The following LRP4 variants were observed in gnomAD, a reference collection of about 807,000 sequenced individuals.
LRP4 encodes the protein low-density lipoprotein receptor-related protein 4.
Under a neutral mutation model 220.3 loss-of-function variants are expected in LRP4, and 95 were observed. That is an observed-to-expected ratio of 0.43 (90% CI 0.37 to 0.51). LRP4 has a LOEUF of 0.51. Among genes scored for constraint, LRP4 ranks in the 20% least tolerant of loss-of-function variants. LRP4 has a pLI of 0.00. For missense variants in LRP4, 1,925 were observed against 2,567.0 expected, an observed-to-expected ratio of 0.75 and a Z score of 5.40; for synonymous variants, 903 against 954.6, an observed-to-expected ratio of 0.95 and a Z score of 1.00.
In LRP4 at chr11:46,890,460, G is replaced by T. The variant is rs1249967861; in HGVS notation, c.1732C>A (p.Arg578Ser). 3 of 1,613,488 alleles carry T rather than the reference G, an allele frequency of 1.9e-6. No individual in the cohort carries two copies. The highest frequency in any genetic ancestry group is 2.5e-6 in the Non-Finnish European group (3 of 1,179,564). ...CCATCCATGCTGGAGGCCTCAATACGGGGGGTGTTGCCCCAGTCTGTCCAG... is the reference window on the plus strand; with the variant it reads ...CCATCCATGCTGGAGGCCTCAATACTGGGGGTGTTGCCCCAGTCTGTCCAG... ...IYWTDWGNTP[R>S]IEASSMDGSG... The change falls in exon 14 of 38, where the codon CGT (arginine) becomes AGT (serine). Residue 578 changes from arginine (R) to serine (S), a missense_variant. Physicochemically the swap from Arg to Ser is moderately radical, Grantham distance 110. Transcript: ENST00000378623. This position sits in a 1 kb window ranked among gnomAD's most constrained non-coding sequence, Gnocchi z 5.3.
At chr11:46,880,811 C>G (rs1403913715) in intron 20 of LRP4, among the ~76,000 whole-genome samples, 3 of 151,470 alleles carry the variant, frequency 2.0e-5, no homozygotes, top group Non-Finnish European at 4.4e-5. Context: ...CATGGTGGCT[C>G]GTGCCTATAA....
In LRP4 at chr11:46,859,249, C is replaced by T. The variant is rs773670430; in HGVS notation, c.5452G>A (p.Gly1818Arg). ...KIVEGICLLS[G>R]DDAEWDDLKQ... ...AGGTCATCCCACTCAGCATCATCCC[C>T]AGACAGGAGGCAGATTCCCTCTACG... is the stretch of plus-strand genomic sequence containing the variant. Residue 1818 changes from glycine to arginine, a missense_variant, in exon 38 of 38, where the codon GGG becomes AGG. Around this residue, in one of 3 missense-constraint regions of LRP4, gnomAD observed 1,244 missense variants for 1,624.9 expected, o/e 0.77. Transcript: ENST00000378623. 6.2e-7 allele frequency: 1 copy of T among 1,614,160 alleles called. No homozygotes were observed. Among genetic ancestry groups the T allele is most frequent in the South Asian group, 1.1e-5 (1 of 91,080 alleles).
At chr11:46,897,334 C>CTTTTTTTTTTTTTTTTTTTTTTT (rs60604776) in intron 7 of LRP4, among the ~76,000 whole-genome samples, 2 of 128,104 alleles carry the variant, frequency 1.6e-5, no homozygotes, top group Non-Finnish European at 1.6e-5. Flanking sequence ...GCCTGTTTGT[C>CTTTTTTTTTTTTTTTTTTTTTTT]TTTTTTTTTT....
At chr11:46,889,350 T>C (rs1371525053) in intron 16 of LRP4, 61 bp downstream of exon 16, 6 of 1,607,008 alleles carry the variant, frequency 3.7e-6, no homozygotes, top group Non-Finnish European at 5.1e-6. Flanking sequence ...TCCTATCCCT[T>C]GTTCCTTCTC....
At chr11:46,898,720 T>C in intron 6 of LRP4, 43 bp from the exon 7 acceptor site, 6 of 1,613,210 alleles carry the variant, frequency 3.7e-6, no homozygotes, top group Non-Finnish European at 5.1e-6. Flanking sequence ...GTCTGTGCAG[T>C]GTCCCATGGC....
At chr11:46,864,350 T>C in intron 36 of LRP4, 98 bp downstream of exon 36, 1 of 961,792 alleles carries the variant, frequency 1.0e-6, no homozygotes, top group East Asian at 2.4e-5. Flanking sequence ...ATAAGGCTGG[T>C]CAGAGCTTGA....
chr11:46,884,018 T>A (rs754027722), intron 18 of LRP4, 42 bp from the exon 19 acceptor site: 5 of 1,502,078 alleles, frequency 3.3e-6, no homozygotes, highest in Admixed American at 1.7e-5. Context: ...GTCTTGTTCA[T>A]TCACCCTCTT....
Position 46,877,346 on chromosome 11 carries a change from G to A in LRP4, c.3137-7C>T, listed in dbSNP as rs1433227497. On this transcript the variant is annotated splice_polypyrimidine_tract_variant and splice_region_variant and intron_variant, in intron 22 of 37. Transcript: ENST00000378623. ...ATGAGGAAACTGTTCATGCCTGCCA[G>A]GTGGAGAGGAGGGAAGAGGATCACT... The A allele has an allele frequency of 2.5e-6, 4 of 1,614,006 alleles. No homozygotes were observed. In the African/African-American group the frequency reaches 4.0e-5, roughly 16 times the overall value.
chr11:46,882,581 G>A (rs1219436503), intron 19 of LRP4, among the ~76,000 whole-genome samples: 1 of 152,128 alleles, frequency 6.6e-6, no homozygotes, highest in East Asian at 1.9e-4. Context: ...GCCAGGTGCA[G>A]TGGCTCACAC....
At position 46,856,737 on chromosome 11, in the gene LRP4, C is replaced by G. The variant is rs1051933905; in HGVS notation, c.*2246G>C. On this transcript the variant is annotated 3_prime_UTR_variant, in exon 38 of 38. Transcript: ENST00000378623. This position sits in a 1 kb window ranked among gnomAD's most constrained non-coding sequence, Gnocchi z 4.1. ...AAAACTCCAGCAGGAACCTCACACTCTTTATTGCTCTTCACTGTGCCCACA... is the reference window on the plus strand; with the variant it reads ...AAAACTCCAGCAGGAACCTCACACTGTTTATTGCTCTTCACTGTGCCCACA... 1 of 152,340 alleles carries G rather than the reference C, an allele frequency of 6.6e-6. No homozygotes were observed. Among genetic ancestry groups the G allele is most frequent in the African/African-American group, 2.4e-5 (1 of 41,466 alleles). The allele number at this position is 152,340 out of a possible 1,614,324, so 9.4% of individuals were successfully genotyped here. A position where few individuals can be genotyped will look rare whatever the true frequency, so the allele number is the denominator to read the frequency against.
Position 46,873,109 on chromosome 11 carries a change from T to A in LRP4, c.4574A>T (p.Asp1525Val). The change falls in exon 30 of 38, where the codon GAT (aspartate) becomes GTT (valine). Residue 1525 changes from aspartate to valine, a missense_variant. Asp to Val is a radical substitution (Grantham distance 152). Transcript: ENST00000378623. This position sits in a 1 kb window ranked among gnomAD's most constrained non-coding sequence, Gnocchi z 4.2. ...GATGCAAGACTCCCACCTGCGGGTA[T>A]CATAGTCCAGGGTAAGGCCATTGGG... Reference protein sequence around the residue: ...GWPNGLTLDYDTRRIYWVDAH... With the variant: ...GWPNGLTLDYVTRRIYWVDAH... The A allele has an allele frequency of 1.9e-6, 3 of 1,614,202 alleles. No individual in the cohort carries two copies. Among genetic ancestry groups the A allele is most frequent in the Non-Finnish European group, 2.5e-6 (3 of 1,180,036 alleles).
In LRP4 at chr11:46,918,436, G is replaced by C; in HGVS notation, c.-57C>G. ...GCCGGCTCCCGCCGGACGGCGCGGC[G>C]GAGAAGCCCGCGGAGGGTCCCCGAG... On this transcript the variant is annotated 5_prime_UTR_variant, in exon 1 of 38. Transcript: ENST00000378623. This position sits in a 1 kb window ranked among gnomAD's most constrained non-coding sequence, Gnocchi z 6.0. The C allele has an allele frequency of 7.9e-7, 1 of 1,273,638 alleles. No homozygotes were observed. Among genetic ancestry groups the C allele is most frequent in the Non-Finnish European group, 9.9e-7 (1 of 1,008,344 alleles). The allele number at this position is 1,273,638 out of a possible 1,614,324, so 78.9% of individuals were successfully genotyped here. A position where few individuals can be genotyped will look rare whatever the true frequency, so the allele number is the denominator to read the frequency against.
intron 11 of LRP4, 141 bp downstream of exon 11, chr11:46,895,024 TG>T (rs1381923176): frequency 8.2e-6 from 11 of 1,338,270 alleles, no homozygotes; most frequent in Admixed American, 1.7e-5. Context: ...GCATTTTTCT[TG>T]GGGCTCAGAA....
Position 46,864,511 on chromosome 11 carries a change from G to C in LRP4, c.5180C>G (p.Ala1727Gly), listed in dbSNP as rs755670839. ...APGEGLHISYAIGGLLSILLI... is the reference protein window; with the variant it reads ...APGEGLHISYGIGGLLSILLI... ...CAGAATACTGAGGAGTCCACCAATG[G>C]CGTAGCTGATATGAAGTCCTTCCCC... Residue 1727 changes from alanine (A) to glycine (G), a missense_variant, in exon 36 of 38, where the codon GCC (alanine) becomes GGC (glycine). Physicochemically the swap from Ala to Gly is moderately conservative, Grantham distance 60. Transcript: ENST00000378623. The C allele has an allele frequency of 6.2e-7, 1 of 1,613,488 alleles. No individual in the cohort carries two copies. The highest frequency in any genetic ancestry group is 1.1e-5 in the South Asian group (1 of 91,070).
rs576719115 is a variant in LRP4, at chr11:46,861,523, C to CTTTTTTTTT, written c.5385+1074_5385+1082dup. ...AGTTAGTTTCCTTGTGGAAATGGGA[C>CTTTTTTTTT]TTTTTTTTTTTTTTTTTTTTTTGAG... On this transcript the variant is annotated intron_variant, in intron 37 of 37. Transcript: ENST00000378623. Among the ~76,000 whole-genome samples, 441 of 83,454 alleles carry CTTTTTTTTT rather than the reference C, an allele frequency of 5.3e-3. 51 individuals carry two copies. The highest frequency in any genetic ancestry group is 0.024 in the Middle Eastern group (2 of 82). The allele number at this position is 83,454 out of a possible 152,430, so 54.7% of individuals were successfully genotyped here. A position where few individuals can be genotyped will look rare whatever the true frequency, so the allele number is the denominator to read the frequency against.
At chr11:46,879,069 G>T in intron 21 of LRP4, 31 bp from the exon 22 acceptor site, 1 of 1,614,228 alleles carries the variant, frequency 6.2e-7, no homozygotes, top group Non-Finnish European at 8.5e-7. Flanking sequence ...GTTCAATGGG[G>T]AGAGCTAGGG....
Position 46,875,474 on chromosome 11 carries a change from C to T in LRP4, c.3907G>A (p.Asp1303Asn), listed in dbSNP as rs2134796086. 6.2e-7 allele frequency: 1 copy of T among 1,613,982 alleles called. No individual in the cohort carries two copies. The change falls in exon 27 of 38, where the codon GAC becomes AAC. Residue 1303 changes from aspartate to asparagine, a missense_variant. Coordinates refer to ENST00000378623, the MANE Select transcript of LRP4 (RefSeq NM_002334.4). The surrounding 1 kb of genome is among the most constrained non-coding windows in gnomAD (Gnocchi z 4.5). ...CTCTCACCTAGTGGCTGTGCCCGGT[C>T]CACAGCCTGCATGTCCATGAGGCCT... ...LPGLMDMQAV[D>N]RAQPLGFNKC...
chr11:46,895,167 C>G lies in LRP4; in HGVS notation c.1308G>C (p.Leu436=). The change falls in exon 11 of 38, where the codon CTG becomes CTC. Residue 436 remains leucine (L), a splice_region_variant and synonymous_variant. Transcript: ENST00000378623. ...CAGCCAAGTGCCAACAGCCCTTACCCAGAGCCTTGCAGCTGCGCCGGTCGG... is the reference window on the plus strand; with the variant it reads ...CAGCCAAGTGCCAACAGCCCTTACCGAGAGCCTTGCAGCTGCGCCGGTCGG... ...LRPDRRSCKA[L]GPEPVLLFAN... 1 of 1,613,988 alleles carries G rather than the reference C, an allele frequency of 6.2e-7. No individual in the cohort carries two copies. The highest frequency in any genetic ancestry group is 8.5e-7 in the Non-Finnish European group (1 of 1,180,044).
In LRP4 at chr11:46,876,763, A is replaced by T. The variant is rs745844140; in HGVS notation, c.3345T>A (p.His1115Gln). 8.1e-6 allele frequency: 13 copies of T among 1,614,036 alleles called. No homozygotes were observed. In the East Asian group the frequency reaches 2.7e-4, roughly 33 times the overall value. ...GCCCACCTGTGGTGATGATGTCCTC[A>T]TGCTGTGAGCCATCCAGATTGGCAC... is the stretch of plus-strand genomic sequence containing the variant. ...ISRANLDGSQ[H>Q]EDIITTGLQT... The change falls in exon 24 of 38, where the codon CAT becomes CAA. Residue 1115 changes from histidine (H) to glutamine (Q), a missense_variant. Transcript: ENST00000378623.
Sources: allele counts gnomAD v4.1 joint callset (sites outside exome capture counted in the v4.1 genomes callset), GRCh38; gene constraint gnomAD v4.1.1; regional missense constraint gnomAD v4.1.1; non-coding constraint Gnocchi (gnomAD v3.1); transcripts MANE v1.5; gene names NCBI Gene and HGNC (gene_info 2026-07-23, HGNC 2026-07-21).